Variants in TET2 observed in about 807,000 individuals in gnomAD.
TET2 encodes tet methylcytosine dioxygenase 2.
A neutral mutation model predicts 142.9 loss-of-function variants in TET2; 299 were observed. That is an observed-to-expected ratio of 2.09 (90% confidence interval 1.90 to 2.30). TET2 has a LOEUF of 2.30. Ranked by LOEUF, TET2 falls within the 30% of genes most tolerant of loss-of-function variation. The probability of loss-of-function intolerance (pLI) is 0.00; values close to 1 mark genes in which losing one functional copy is unlikely to be tolerated. For missense variants in TET2, 2,418 were observed against 2,378.0 expected (o/e 1.02, Z -0.35); for synonymous variants, 819 against 849.0 (o/e 0.96, Z 0.61).
chr4:105,180,642 A>T (rs1285211908), intron 1 of TET2, among the ~76,000 whole-genome samples: 6 of 146,872 alleles, frequency 4.1e-5, no homozygotes, highest in South Asian at 2.1e-4. Flanking sequence ...CCATTTTATC[A>T]TTTTTTTTTT....
At chr4:105,176,772 A>T (rs1471590502) in intron 1 of TET2, among the ~76,000 whole-genome samples, 1 of 152,172 alleles carries the variant, frequency 6.6e-6, no homozygotes, top group East Asian at 1.9e-4. Context: ...AGGATTCTAA[A>T]GTTTATATGG....
chr4:105,276,404 T>C lies in TET2; in HGVS notation c.5894T>C (p.Leu1965Pro). Reference sequence around the variant, plus strand: ...CATGAAACTTCAGAGCCCACTTACCTGCGTTTCATCAAGTCTCTTGCCGAA... The same window carrying C: ...CATGAAACTTCAGAGCCCACTTACCCGCGTTTCATCAAGTCTCTTGCCGAA... ...EPHETSEPTY[L>P]RFIKSLAERT... The change falls in exon 11 of 11, where the codon CTG becomes CCG. Residue 1965 changes from leucine (L) to proline (P), a missense_variant. Leu to Pro is a moderately conservative substitution (Grantham distance 98). Coordinates refer to ENST00000380013, the MANE Select transcript of TET2 (RefSeq NM_001127208.3). 6.4e-7 allele frequency: 1 copy of C among 1,551,996 alleles called. No homozygotes were observed. Among genetic ancestry groups the C allele is most frequent in the South Asian group, 1.2e-5 (1 of 84,050 alleles).
Position 105,184,410 on chromosome 4 carries a change from G to T in TET2, c.-192-5950G>T, listed in dbSNP as rs185256807. On this transcript the variant is annotated intron_variant, in intron 1 of 10. Transcript: ENST00000380013. Reference sequence around the variant, plus strand: ...AACTGGTGGTTGATATTTCAGCCTTGTTTGGCTATCGTAGTTATATAAAGA... The same window carrying T: ...AACTGGTGGTTGATATTTCAGCCTTTTTTGGCTATCGTAGTTATATAAAGA... Among the ~76,000 whole-genome samples the T allele has an allele frequency of 3.2e-3, 491 of 152,208 alleles. 4 individuals carry two copies. The highest frequency in any genetic ancestry group is 3.3e-3 in the Non-Finnish European group (226 of 68,022).
chr4:105,163,806 C>A (rs573678430), intron 1 of TET2, among the ~76,000 whole-genome samples: 5 of 79,726 alleles, frequency 6.3e-5, no homozygotes, highest in African/African-American at 9.4e-5. Flanking sequence ...TCGAAAGTTT[C>A]GAGAGAGAGA....
chr4:105,237,575 G>A lies in TET2; in HGVS notation c.3409+224G>A, dbSNP rs1039997649. ...GTTTTTCCAAAAGAATTAAATAATC[G>A]TGCATGTTTATTTTTCCCTCTCTTC... On this transcript the variant is annotated intron_variant, in intron 3 of 10. Coordinates refer to ENST00000380013, the MANE Select transcript of TET2 (RefSeq NM_001127208.3). 33 of 1,485,594 alleles carry A rather than the reference G, an allele frequency of 2.2e-5. No homozygotes were observed. In the African/African-American group the frequency reaches 2.3e-4, roughly 10 times the overall value. The allele number at this position is 1,485,594 out of a possible 1,614,324, so 92.0% of individuals were successfully genotyped here. A position where few individuals can be genotyped will look rare whatever the true frequency, so the allele number is the denominator to read the frequency against.
intron 1 of TET2, among the ~76,000 whole-genome samples, chr4:105,188,716 T>C (rs1434210038): frequency 2.0e-5 from 3 of 152,146 alleles, no homozygotes; most frequent in Non-Finnish European, 2.9e-5. Context: ...AGATGCACCT[T>C]AAAAACATTA....
In TET2 at chr4:105,279,479, C is replaced by T; in HGVS notation, c.*2960C>T. On this transcript the variant is annotated 3_prime_UTR_variant, in exon 11 of 11. Transcript: ENST00000380013. The stretch of plus-strand genomic sequence containing the variant: ...TGAAAATGCTTCTGAGTGGTGTCAA[C>T]TTTACTTGAATGAATTTTTCATCTT... The T allele has an allele frequency of 4.3e-6, 1 of 232,636 alleles. No homozygotes were observed. 14.4% of individuals were successfully genotyped at this position (232,636 alleles called of 1,614,324 possible). A position where few individuals can be genotyped will look rare whatever the true frequency, so the allele number is the denominator to read the frequency against.
rs371739981 is a variant in TET2 at position 105,177,219 on chromosome 4, A to G, written c.-192-13141A>G. ...AAATCCTAGATGACTTTGGTATGGC[A>G]GTGGCATTTTTTAGATACAGCTCCA... On this transcript the variant is annotated intron_variant, in intron 1 of 10. Coordinates refer to ENST00000380013, the MANE Select transcript of TET2 (RefSeq NM_001127208.3). Among the ~76,000 whole-genome samples the G allele has an allele frequency of 2.6e-5, 4 of 152,206 alleles. No individual in the cohort carries two copies. The East Asian group carries it at 7.7e-4, about 29-fold the overall frequency.
chr4:105,279,769 T>C lies in TET2; in HGVS notation c.*3250T>C, dbSNP rs954887545. On this transcript the variant is annotated 3_prime_UTR_variant, in exon 11 of 11. Coordinates refer to ENST00000380013, the MANE Select transcript of TET2 (RefSeq NM_001127208.3). The stretch of plus-strand genomic sequence containing the variant: ...TTCCTGATAATGCTATGTGAGTGTT[T>C]TTAATAAAATTTATATTTATTTAAT... 1.8e-5 allele frequency: 4 copies of C among 216,638 alleles called. No homozygotes were observed. The highest frequency in any genetic ancestry group is 3.7e-5 in the Non-Finnish European group (4 of 107,762). The allele number at this position is 216,638 out of a possible 1,614,324, so 13.4% of individuals were successfully genotyped here.
At chr4:105,194,520 C>G (rs761045874) in intron 2 of TET2, among the ~76,000 whole-genome samples, 8 of 152,160 alleles carry the variant, frequency 5.3e-5, no homozygotes, top group African/African-American at 7.2e-5. Flanking sequence ...TTTTCCTGAT[C>G]TGGCTACTGA....
chr4:105,258,439 C>G (rs1009898605), intron 6 of TET2, among the ~76,000 whole-genome samples: 2 of 152,130 alleles, frequency 1.3e-5, no homozygotes, highest in Non-Finnish European at 2.9e-5. Flanking sequence ...TGGCAAGAAT[C>G]TTTACTTCTC....
chr4:105,170,854 T>C (rs915072478), intron 1 of TET2, among the ~76,000 whole-genome samples: 1 of 152,214 alleles, frequency 6.6e-6, no homozygotes, highest in African/African-American at 2.4e-5. Flanking sequence ...AACTGATTTA[T>C]AAATAGACTT....
Position 105,237,100 on chromosome 4 carries a change from A to G in TET2, c.3158A>G (p.Gln1053Arg). ...HKALTLKSQK[Q>R]VKVEMSGPVT... is the part of the protein sequence containing the mutation. ...GCTCTTACTCTCAAATCACAGAAGCAAGTAAAAGTTGAAATGTCAGGGCCA... is the reference window on the plus strand; with the variant it reads ...GCTCTTACTCTCAAATCACAGAAGCGAGTAAAAGTTGAAATGTCAGGGCCA... The change falls in exon 3 of 11, where the codon CAA (glutamine) becomes CGA (arginine). Residue 1053 changes from glutamine (Q) to arginine (R), a missense_variant. Coordinates refer to ENST00000380013, the MANE Select transcript of TET2 (RefSeq NM_001127208.3). 1 of 1,614,174 alleles carries G rather than the reference A, an allele frequency of 6.2e-7. No individual in the cohort carries two copies. Among genetic ancestry groups the G allele is most frequent in the Non-Finnish European group, 8.5e-7 (1 of 1,180,026 alleles).
At chr4:105,164,344 AGGTTGCC>A (rs1044512417) in intron 1 of TET2, among the ~76,000 whole-genome samples, 13 of 152,330 alleles carry the variant, frequency 8.5e-5, no homozygotes, top group African/African-American at 2.6e-4. Flanking sequence ...TGTCATATTC[AGGTTGCC>A]TTAGCATTTG....
intron 9 of TET2, among the ~76,000 whole-genome samples, chr4:105,270,449 G>T (rs187912996): frequency 6.6e-6 from 1 of 152,276 alleles, no homozygotes; most frequent in African/African-American, 2.4e-5. Context: ...ATTGTAATCA[G>T]TTAAGCAAAA....
chr4:105,242,591 C>T lies in TET2; in HGVS notation c.3501-243C>T, dbSNP rs976429299. 4 of 1,216,046 alleles carry T rather than the reference C, an allele frequency of 3.3e-6. No individual in the cohort carries two copies. In the African/African-American group the frequency reaches 6.3e-5, roughly 19 times the overall value. 75.3% of individuals were successfully genotyped at this position (1,216,046 alleles called of 1,614,324 possible). On this transcript the variant is annotated intron_variant, in intron 4 of 10. Coordinates refer to ENST00000380013, the MANE Select transcript of TET2 (RefSeq NM_001127208.3). ...ATCGAAATGAGCTTTCCCATTTTCA[C>T]CCACATGTAATTTACAAAATAGTTC...
chr4:105,172,703 T>G (rs1361474864), intron 1 of TET2: 1 of 152,268 alleles, frequency 6.6e-6, no homozygotes, highest in African/African-American at 2.4e-5. Flanking sequence ...ATTTCAGAAC[T>G]ATGAAAGTTG....
intron 1 of TET2, among the ~76,000 whole-genome samples, chr4:105,161,957 A>G (rs1190175054): frequency 2.0e-5 from 3 of 152,174 alleles, no homozygotes; most frequent in African/African-American, 4.8e-5. Flanking sequence ...TGAACTTTTC[A>G]TATTTAAGCT....
intron 2 of TET2, among the ~76,000 whole-genome samples, chr4:105,200,620 G>T (rs1293734354): frequency 6.7e-6 from 1 of 150,322 alleles, no homozygotes; most frequent in Non-Finnish European, 1.5e-5. Context: ...TAACTCCCAG[G>T]TCACACTGTT....
Sources: gnomAD v4.1 joint callset for allele counts (sites outside exome capture counted in the v4.1 genomes callset) on GRCh38, gnomAD v4.1.1 for gene constraint, MANE v1.5 for transcripts, NCBI Gene and HGNC (gene_info 2026-07-23, HGNC 2026-07-21) for gene names.